Variants in LAMB4 observed in about 807,000 individuals in gnomAD.
LAMB4 encodes laminin subunit beta-4.
LAMB4 carries 196 observed loss-of-function variants against 199.2 expected under a neutral mutation model. The ratio of observed to expected loss-of-function variants is 0.98; its 90% confidence interval spans 0.88 to 1.11. The LOEUF (loss-of-function observed/expected upper bound fraction) is 1.11. Among genes scored for constraint, LAMB4 ranks in the 50% least tolerant of loss-of-function variants. The pLI is 0.00. For missense variants in LAMB4, 2,080 were observed against 2,171.2 expected (o/e 0.96, Z 0.83); for synonymous variants, 744 against 770.6 (o/e 0.97, Z 0.57).
At chr7:108,042,068 T>C (rs1463301792) in intron 29 of LAMB4, among the ~76,000 whole-genome samples, 1 of 152,052 alleles carries the variant, frequency 6.6e-6, no homozygotes, top group Non-Finnish European at 1.5e-5. Flanking sequence ...ATTAGGGTGG[T>C]CAAACAAGAG....
chr7:108,060,048 T>C (rs1040547138), intron 23 of LAMB4, among the ~76,000 whole-genome samples: 15 of 152,240 alleles, frequency 9.9e-5, no homozygotes, highest in African/African-American at 3.6e-4. Flanking sequence ...TTGGCTAACA[T>C]AGAGACATCT....
intron 14 of LAMB4, among the ~76,000 whole-genome samples, chr7:108,083,989 A>G (rs554834339): frequency 6.6e-6 from 1 of 152,346 alleles, no homozygotes; most frequent in South Asian, 2.1e-4. Context: ...GGCTGTGGCT[A>G]TATCATGGGG....
rs1176170273 is a variant in LAMB4, at chr7:108,043,754, A to G, written c.4469T>C (p.Leu1490Ser). The G allele has an allele frequency of 2.6e-6, 4 of 1,562,878 alleles. No individual in the cohort carries two copies. The highest frequency in any genetic ancestry group is 3.5e-6 in the Non-Finnish European group (4 of 1,146,810). ...LFIKKVKNFL[L>S]EENVPPEDIE... ...CCTAATATATATTTTTAAATTACCTAACAAAAAGTTTTTCACTTTTTTGAT... is the reference window on the plus strand; with the variant it reads ...CCTAATATATATTTTTAAATTACCTGACAAAAAGTTTTTCACTTTTTTGAT... The change falls in exon 29 of 34, where the codon TTA becomes TCA. Residue 1490 changes from leucine (L) to serine (S), a missense_variant and splice_region_variant. Physicochemically the swap from Leu to Ser is moderately radical, Grantham distance 145 (BLOSUM62 -2). Coordinates refer to ENST00000388781, the MANE Select transcript of LAMB4 (RefSeq NM_007356.3).
intron 1 of LAMB4, among the ~76,000 whole-genome samples, chr7:108,126,520 T>A (rs1007397002): frequency 5.3e-5 from 8 of 151,282 alleles, no homozygotes; most frequent in African/African-American, 1.9e-4. Flanking sequence ...TCCTAAAGGT[T>A]CATCCATGTT....
chr7:108,031,852 T>C (rs1249722747), intron 31 of LAMB4, among the ~76,000 whole-genome samples: 1 of 152,198 alleles, frequency 6.6e-6, no homozygotes, highest in African/African-American at 2.4e-5. Context: ...GTAATAACAC[T>C]TTATGCTTGT....
At chr7:108,124,012 G>T (rs892226394) in intron 1 of LAMB4, among the ~76,000 whole-genome samples, 2 of 146,328 alleles carry the variant, frequency 1.4e-5, no homozygotes, top group Non-Finnish European at 3.0e-5. Context: ...ATTTGTAATG[G>T]TTTTTTTTTT....
intron 25 of LAMB4, among the ~76,000 whole-genome samples, chr7:108,053,348 C>T (rs1008418466): frequency 1.3e-5 from 2 of 152,238 alleles, no homozygotes; most frequent in African/African-American, 4.8e-5. Flanking sequence ...CTTTGTCCTC[C>T]TGTTCCCCTT....
intron 29 of LAMB4, among the ~76,000 whole-genome samples, chr7:108,038,749 C>T (rs1353636341): frequency 6.6e-6 from 1 of 152,112 alleles, no homozygotes; most frequent in Non-Finnish European, 1.5e-5. Flanking sequence ...TCCAGTGTGG[C>T]CCAGGGAAGC....
the LAMB4 span, among the ~76,000 whole-genome samples, chr7:108,016,317 T>C: frequency 3.6e-5 from 5 of 139,280 alleles, no homozygotes; most frequent in Non-Finnish European, 7.5e-5. Flanking sequence ...GGAGTCTCGC[T>C]CTGTTGCTCA....
chr7:108,015,935 T>TG, the LAMB4 span, among the ~76,000 whole-genome samples: 9 of 152,332 alleles, frequency 5.9e-5, no homozygotes, highest in Admixed American at 4.6e-4. Context: ...CTTTGTCTTT[T>TG]GTTTTCTTTC....
chr7:108,119,442 A>G (rs1378855294), intron 2 of LAMB4, among the ~76,000 whole-genome samples: 1 of 152,118 alleles, frequency 6.6e-6, no homozygotes, highest in Admixed American at 6.5e-5. Flanking sequence ...GGAACCTAGC[A>G]AAAAAAAGTA....
At chr7:108,018,870 T>G (rs2150469355), downstream of LAMB4, among the ~76,000 whole-genome samples, 1 of 152,284 alleles carries the variant, frequency 6.6e-6, no homozygotes, top group Middle Eastern at 3.4e-3. Context: ...TACCCATATC[T>G]TTGTAAATAG....
At chr7:108,115,861 A>G (rs2038386328) in intron 3 of LAMB4, 143 bp downstream of exon 3, 1 of 851,116 alleles carries the variant, frequency 1.2e-6, no homozygotes, top group Non-Finnish European at 1.8e-6. Context: ...CCCCGTGGAT[A>G]CTGAGGGACA....
intron 4 of LAMB4, among the ~76,000 whole-genome samples, chr7:108,110,061 G>C (rs149059069): frequency 3.4e-4 from 52 of 152,180 alleles, no homozygotes; most frequent in African/African-American, 1.1e-3. Flanking sequence ...ACAGAGTCTC[G>C]CTCTGTCCCC....
chr7:108,032,960 T>A (rs192180518), intron 31 of LAMB4, among the ~76,000 whole-genome samples: 1 of 152,302 alleles, frequency 6.6e-6, no homozygotes, highest in Admixed American at 6.5e-5. Flanking sequence ...CCTCTGAGAC[T>A]ATCAAAAGTT....
rs1487051620 is a variant in LAMB4, at chr7:108,069,701, T to C, written c.2302+7A>G. 9 of 1,612,308 alleles carry C rather than the reference T, an allele frequency of 5.6e-6. No individual in the cohort carries two copies. Among genetic ancestry groups the C allele is most frequent in the South Asian group, 5.5e-5 (5 of 90,834 alleles). ...GCCTCAGTAGAGCCCATTAAACAGA[T>C]ACTTACCCACAGCCCCATCATGCAG... On this transcript the variant is annotated splice_region_variant and intron_variant, in intron 18 of 33. Transcript: ENST00000388781.
At chr7:108,063,554 G>A (rs1371283567) in intron 22 of LAMB4, among the ~76,000 whole-genome samples, 1 of 152,222 alleles carries the variant, frequency 6.6e-6, no homozygotes, top group Non-Finnish European at 1.5e-5. Context: ...ACACCAGTGA[G>A]AACATTGTGG....
intron 19 of LAMB4, 65 bp from the exon 20 acceptor site, chr7:108,066,665 C>A (rs771230871): frequency 9.4e-7 from 1 of 1,060,170 alleles, no homozygotes; most frequent in South Asian, 1.4e-5. Flanking sequence ...GAAAGAGTTA[C>A]AGTTCTGGTG....
intron 30 of LAMB4, among the ~76,000 whole-genome samples, chr7:108,034,590 G>A (rs1412934061): frequency 1.3e-5 from 2 of 152,074 alleles, no homozygotes; most frequent in African/African-American, 4.8e-5. Context: ...TGTTAAATAT[G>A]GAAATTAAGG....
Sources: gnomAD v4.1 joint callset for allele counts (sites outside exome capture counted in the v4.1 genomes callset) on GRCh38, gnomAD v4.1.1 for gene constraint, MANE v1.5 for transcripts, NCBI Gene and HGNC (gene_info 2026-07-23, HGNC 2026-07-21) for gene names.